Variants in INTS15 observed in about 807,000 individuals in gnomAD.
The protein encoded by INTS15 is uncharacterized protein C7orf26.
the INTS15 span, among the ~76,000 whole-genome samples, chr7:6,598,547 G>T: frequency 1.3e-5 from 2 of 151,912 alleles, no homozygotes; most frequent in African/African-American, 4.8e-5. Context: ...AGGTGGGCAG[G>T]GCGGTTCATA....
the INTS15 span, chr7:6,607,683 C>G: frequency 6.6e-7 from 1 of 1,521,364 alleles, no homozygotes; most frequent in Admixed American, 2.0e-5. The surrounding 1 kb of genome is among the most constrained non-coding windows in gnomAD (Gnocchi z 6.0). Flanking sequence ...CAGAGGCTGA[C>G]GTGGAGGCCA....
chr7:6,605,735 G>C, the INTS15 span, among the ~76,000 whole-genome samples: 2 of 152,130 alleles, frequency 1.3e-5, no homozygotes, highest in African/African-American at 4.8e-5. Context: ...GTCTCGCTCT[G>C]TCACCCAGGC....
At chr7:6,597,217 G>A in the INTS15 span, among the ~76,000 whole-genome samples, 14 of 152,188 alleles carry the variant, frequency 9.2e-5, no homozygotes, top group African/African-American at 3.4e-4. Context: ...CTGTTAACAG[G>A]TGGGAGTGGT....
chr7:6,591,707 A>G, the INTS15 span: 1 of 1,614,204 alleles, frequency 6.2e-7, no homozygotes, highest in Non-Finnish European at 8.5e-7. Context: ...TTCCAGGAGC[A>G]AACCAAGGAC....
the INTS15 span, chr7:6,607,976 A>G: frequency 1.3e-6 from 2 of 1,599,648 alleles, no homozygotes; most frequent in South Asian, 1.1e-5. This position sits in a 1 kb window ranked among gnomAD's most constrained non-coding sequence, Gnocchi z 6.0. Context: ...CCAGCTGGTG[A>G]TCTCGGGTCC....
the INTS15 span, among the ~76,000 whole-genome samples, chr7:6,595,556 A>G: frequency 2.6e-5 from 4 of 152,160 alleles, no homozygotes; most frequent in South Asian, 8.3e-4. Context: ...AGTGATACCC[A>G]TTTGCCTGAG....
At chr7:6,608,309 T>G in the INTS15 span, 1 of 1,438,440 alleles carries the variant, frequency 7.0e-7, no homozygotes, top group African/African-American at 1.4e-5. Flanking sequence ...GGAGTCCAGG[T>G]GCTTCCCACC....
chr7:6,599,333 GTTTGGGGTTGGGACGGCC>G, the INTS15 span, among the ~76,000 whole-genome samples: 94 of 152,274 alleles, frequency 6.2e-4, no homozygotes, highest in East Asian at 0.015. Context: ...AGGGTTCCAA[GTTTGGGGTTGGGACGGCC>G]CTTGGCAGCA....
the INTS15 span, chr7:6,590,314 C>A: frequency 2.5e-6 from 4 of 1,587,930 alleles, no homozygotes; most frequent in Non-Finnish European, 3.4e-6. Flanking sequence ...GCTGCTGCGC[C>A]GCGATGCGCT....
chr7:6,608,672 T>C, the INTS15 span: 2 of 270,314 alleles, frequency 7.4e-6, no homozygotes, highest in South Asian at 1.4e-4. Flanking sequence ...CTCAGTTTTA[T>C]TGGGGGTGTC....
chr7:6,605,764 T>C, the INTS15 span, among the ~76,000 whole-genome samples: 1 of 151,828 alleles, frequency 6.6e-6, no homozygotes, highest in Non-Finnish European at 1.5e-5. Context: ...CGTGGTGTGA[T>C]CTCGGCTCAC....
At chr7:6,608,155 C>A in the INTS15 span, 1 of 1,494,310 alleles carries the variant, frequency 6.7e-7, no homozygotes, top group East Asian at 2.7e-5. Context: ...TCAGGCCCAT[C>A]CGCTAGGCTG....
the INTS15 span, chr7:6,590,188 C>G: frequency 8.6e-7 from 1 of 1,162,184 alleles, no homozygotes; most frequent in Non-Finnish European, 1.1e-6. Flanking sequence ...AGCCCAGGCC[C>G]GGGTCGCGCC....
At chr7:6,602,636 G>T in the INTS15 span, 1 of 462,066 alleles carries the variant, frequency 2.2e-6, no homozygotes, top group Admixed American at 2.4e-5. Context: ...GTTGTAAAAT[G>T]GGGGTGATAC....
the INTS15 span, among the ~76,000 whole-genome samples, chr7:6,604,065 C>G: frequency 6.6e-6 from 1 of 151,962 alleles, no homozygotes; most frequent in Admixed American, 6.6e-5. Flanking sequence ...TAGTGAATAT[C>G]TAAAAAGTGT....
chr7:6,607,983 G>T, the INTS15 span: 1 of 1,600,120 alleles, frequency 6.2e-7, no homozygotes. This position sits in a 1 kb window ranked among gnomAD's most constrained non-coding sequence, Gnocchi z 6.0. Flanking sequence ...GTGATCTCGG[G>T]TCCCGTGCAG....
chr7:6,608,011 G>C, the INTS15 span: 1 of 1,600,084 alleles, frequency 6.2e-7, no homozygotes, highest in Non-Finnish European at 8.5e-7. Context: ...CTCACGCCGC[G>C]CTCCCCCCGG....
At chr7:6,608,076 A>ACCCC in the INTS15 span, 8 of 1,143,466 alleles carry the variant, frequency 7.0e-6, no homozygotes, top group Non-Finnish European at 9.5e-6. Context: ...GTCCCGGCCC[A>ACCCC]CCCCGCCGCC....
At chr7:6,596,925 C>A in the INTS15 span, among the ~76,000 whole-genome samples, 1 of 151,370 alleles carries the variant, frequency 6.6e-6, no homozygotes, top group Admixed American at 6.6e-5. Context: ...ACTACAGGCG[C>A]CCGCTACCAC....
Sources: gnomAD v4.1 joint callset for allele counts (sites outside exome capture counted in the v4.1 genomes callset) on GRCh38, gnomAD v4.1.1 for gene constraint, Gnocchi (gnomAD v3.1) non-coding constraint, MANE v1.5 for transcripts, NCBI Gene and HGNC (gene_info 2026-07-23, HGNC 2026-07-21) for gene names.